IL1RAPL2: variants seen among roughly 807,000 people sequenced by gnomAD.
IL1RAPL2 encodes the protein X-linked interleukin-1 receptor accessory protein-like 2.
In IL1RAPL2, 3 loss-of-function variants were observed where a neutral mutation model predicts 44.1. That is an observed-to-expected ratio of 0.07 (90% CI 0.03 to 0.18). The LOEUF (loss-of-function observed/expected upper bound fraction) is 0.18. IL1RAPL2 is among the 10% of genes least tolerant of loss of function. The pLI is 1.00. For synonymous variants in IL1RAPL2, 181 were observed against 178.8 expected (o/e 1.01, Z -0.10); for missense variants, 391 against 496.4 (o/e 0.79, Z 2.02).
At chrX:105,129,358 C>T (rs886093023) in intron 2 of IL1RAPL2, among the ~76,000 whole-genome samples, 17 of 110,828 alleles carry the variant, frequency 1.5e-4, no homozygotes, top group African/African-American at 3.3e-4. Context: ...TCATTCATGA[C>T]GGCAGAGCCC....
chrX:105,446,662 A>G (rs1377982258), intron 5 of IL1RAPL2, among the ~76,000 whole-genome samples: 1 of 111,171 alleles, frequency 9.0e-6, no homozygotes, highest in Non-Finnish European at 1.9e-5. Flanking sequence ...ATAAACAAAG[A>G]AACCAGCATG....
chrX:105,716,770 A>G (rs2038259925), intron 6 of IL1RAPL2, among the ~76,000 whole-genome samples: 1 of 112,191 alleles, frequency 8.9e-6, no homozygotes, highest in African/African-American at 3.2e-5. Context: ...AGTGGAGAGT[A>G]TATTATGATA....
intron 2 of IL1RAPL2, among the ~76,000 whole-genome samples, chrX:105,116,168 C>T (rs188938230): frequency 4.4e-5 from 5 of 112,709 alleles, no homozygotes; most frequent in East Asian, 2.8e-4. Context: ...AGTGCAGCCG[C>T]GGGCTGAAGG....
intron 6 of IL1RAPL2, among the ~76,000 whole-genome samples, chrX:105,597,920 T>C (rs1455641438): frequency 1.8e-5 from 2 of 111,002 alleles, no homozygotes; most frequent in African/African-American, 6.6e-5. Context: ...AAATTAAAAA[T>C]AGAACTACCA....
chrX:104,684,550 A>G (rs1389853551), intron 2 of IL1RAPL2, among the ~76,000 whole-genome samples: 2 of 112,449 alleles, frequency 1.8e-5, no homozygotes, highest in East Asian at 2.8e-4. Flanking sequence ...TGATTATAAA[A>G]TGTCAGAGTG....
At chrX:105,204,473 A>T (rs1556149681) in intron 3 of IL1RAPL2, among the ~76,000 whole-genome samples, 2 of 112,100 alleles carry the variant, frequency 1.8e-5, no homozygotes, top group Non-Finnish European at 3.8e-5. Context: ...CCAGGCATGA[A>T]AAGTAACTTC....
chrX:104,776,219 T>C (rs1932716924), intron 2 of IL1RAPL2, among the ~76,000 whole-genome samples: 1 of 112,350 alleles, frequency 8.9e-6, no homozygotes, highest in African/African-American at 3.2e-5. Flanking sequence ...GGCACAAATT[T>C]GGAGGATCCT....
intron 2 of IL1RAPL2, among the ~76,000 whole-genome samples, chrX:104,719,964 A>C (rs760017918): frequency 9.0e-6 from 1 of 111,288 alleles, no homozygotes; most frequent in Non-Finnish European, 1.9e-5. Context: ...GCAGATAGTC[A>C]TACTGGATAT....
At chrX:105,181,934 G>A (rs2033535062) in intron 2 of IL1RAPL2, among the ~76,000 whole-genome samples, 2 of 109,146 alleles carry the variant, frequency 1.8e-5, no homozygotes, top group South Asian at 8.0e-4. Context: ...GGGTGTGGTA[G>A]CGGGCGCCTG....
At position 105,233,960 on chromosome X, in the gene IL1RAPL2, G is replaced by A; in HGVS notation, c.499G>A (p.Asp167Asn). 1 of 1,210,383 alleles carries A rather than the reference G, an allele frequency of 8.3e-7. No homozygotes were observed. Among genetic ancestry groups the A allele is most frequent in the South Asian group, 1.8e-5 (1 of 56,611 alleles). Residue 167 changes from aspartate (D) to asparagine (N), a missense_variant, in exon 4 of 11, where the codon GAC becomes AAC. Transcript: ENST00000372582. Reference protein sequence around the residue: ...RKEISCPDMDDFKKSDQEPDV... With the variant: ...RKEISCPDMDNFKKSDQEPDV... ...GGAGATCTCCTGTCCAGACATGGATGACTTTAAAAAGTCCGATCAGGAGCC... is the reference window on the plus strand; with the variant it reads ...GGAGATCTCCTGTCCAGACATGGATAACTTTAAAAAGTCCGATCAGGAGCC...
chrX:105,156,646 ATATTTT>A (rs2033270752), intron 2 of IL1RAPL2, among the ~76,000 whole-genome samples: 1 of 112,378 alleles, frequency 8.9e-6, no homozygotes, highest in African/African-American at 3.2e-5. Flanking sequence ...CATTTGCAAA[ATATTTT>A]TATTCAAGTG....
intron 6 of IL1RAPL2, among the ~76,000 whole-genome samples, chrX:105,497,216 T>C (rs2036362072): frequency 9.0e-6 from 1 of 110,981 alleles, no homozygotes; most frequent in African/African-American, 3.3e-5. Flanking sequence ...CTGGTGAGGA[T>C]TAGAAGATAC....
chrX:105,674,749 G>T (rs981668199), intron 6 of IL1RAPL2, among the ~76,000 whole-genome samples: 2 of 111,575 alleles, frequency 1.8e-5, no homozygotes, highest in Non-Finnish European at 3.8e-5. Flanking sequence ...ATTACTTTGG[G>T]CAATATGGTC....
intron 2 of IL1RAPL2, among the ~76,000 whole-genome samples, chrX:105,168,206 T>C (rs150647706): frequency 1.7e-3 from 192 of 112,124 alleles, no homozygotes; most frequent in African/African-American, 6.0e-3. Context: ...GCTAGAAGTC[T>C]TGTCATTTTA....
At chrX:104,825,225 G>C (rs1027106878) in intron 2 of IL1RAPL2, among the ~76,000 whole-genome samples, 2 of 111,683 alleles carry the variant, frequency 1.8e-5, no homozygotes, top group East Asian at 2.8e-4. Context: ...GGTGTTGGTG[G>C]GCAAAGCTTT....
intron 2 of IL1RAPL2, among the ~76,000 whole-genome samples, chrX:104,741,155 T>C (rs1932096374): frequency 9.0e-6 from 1 of 111,557 alleles, no homozygotes; most frequent in African/African-American, 3.2e-5. Context: ...AATCACATTA[T>C]TAAAGTCGTC....
At chrX:105,300,764 A>G (rs1367757483) in intron 5 of IL1RAPL2, among the ~76,000 whole-genome samples, 1 of 111,246 alleles carries the variant, frequency 9.0e-6, no homozygotes, top group African/African-American at 3.3e-5. Context: ...GGAAAAATTT[A>G]GTAAGTAGCT....
At chrX:105,140,318 C>T (rs980122765) in intron 2 of IL1RAPL2, among the ~76,000 whole-genome samples, 10 of 112,338 alleles carry the variant, frequency 8.9e-5, no homozygotes, top group Non-Finnish European at 1.5e-4. Context: ...CTACCTCTTC[C>T]GGCTTTCCTT....
intron 2 of IL1RAPL2, among the ~76,000 whole-genome samples, chrX:104,889,563 C>G (rs1490438318): frequency 9.0e-6 from 1 of 111,527 alleles, no homozygotes; most frequent in African/African-American, 3.3e-5. Flanking sequence ...CTTTCTAAGT[C>G]CCAACATTAA....
Sources: gnomAD v4.1 joint callset for allele counts (sites outside exome capture counted in the v4.1 genomes callset) on GRCh38, gnomAD v4.1.1 for gene constraint, MANE v1.5 for transcripts, NCBI Gene and HGNC (gene_info 2026-07-23, HGNC 2026-07-21) for gene names.